NPAS3: variants seen among roughly 807,000 people sequenced by gnomAD.
NPAS3 encodes neuronal PAS domain protein 3.
In NPAS3, 14 loss-of-function variants were observed where a neutral mutation model predicts 73.1. The observed-to-expected ratio is 0.19, with a 90% CI of 0.13 to 0.30. NPAS3 has a LOEUF of 0.30. Among genes scored for constraint, NPAS3 ranks in the 10% least tolerant of loss-of-function variants. NPAS3 has a pLI of 1.00. For synonymous variants in NPAS3, 620 were observed against 541.5 expected (o/e 1.14, Z -2.01); for missense variants, 1,096 against 1,250.0 (o/e 0.88, Z 1.86).
chr14:33,587,489 A>G (rs961781475), intron 5 of NPAS3, among the ~76,000 whole-genome samples: 1 of 152,150 alleles, frequency 6.6e-6, no homozygotes, highest in Non-Finnish European at 1.5e-5. Context: ...CATCTATAAC[A>G]TGGGAATTAT....
intron 3 of NPAS3, among the ~76,000 whole-genome samples, chr14:33,276,784 G>A (rs993649201): frequency 6.6e-6 from 1 of 151,994 alleles, no homozygotes; most frequent in African/African-American, 2.4e-5. Context: ...CATGCTTTAA[G>A]ATAAATGATA....
chr14:33,305,508 T>C (rs1471470932), intron 3 of NPAS3, among the ~76,000 whole-genome samples: 1 of 152,098 alleles, frequency 6.6e-6, no homozygotes, highest in African/African-American at 2.4e-5. Context: ...TCTTAATAAC[T>C]TGATGAGTTT....
chr14:33,263,392 C>T (rs889785358), intron 3 of NPAS3, among the ~76,000 whole-genome samples: 6 of 152,128 alleles, frequency 3.9e-5, no homozygotes, highest in African/African-American at 1.4e-4. Context: ...TTCTCCATTG[C>T]TTGTTTTTCT....
Position 33,186,475 on chromosome 14 carries a change from A to C in NPAS3, c.141-28707A>C, listed in dbSNP as rs186639431. On this transcript the variant is annotated intron_variant, in intron 2 of 11. Transcript: ENST00000356141. Reference sequence around the variant, plus strand: ...CTCAATTATTTTACCCTGCCACCAGATTTCATTTCTGAGCTTTAGTTTGAA... The same window carrying C: ...CTCAATTATTTTACCCTGCCACCAGCTTTCATTTCTGAGCTTTAGTTTGAA... Among the ~76,000 whole-genome samples the C allele has an allele frequency of 4.4e-3, 674 of 152,242 alleles. 4 individuals are homozygous for C. Among genetic ancestry groups the C allele is most frequent in the Non-Finnish European group, 7.6e-3 (515 of 68,018 alleles).
intron 1 of NPAS3, among the ~76,000 whole-genome samples, chr14:32,975,297 C>CGTCA (rs2037608515): frequency 6.8e-6 from 1 of 147,320 alleles, no homozygotes; most frequent in Non-Finnish European, 1.5e-5. Flanking sequence ...TCCTTCCCTC[C>CGTCA]CTCCCTCCCT....
chr14:33,765,168 G>C (rs2062420544), intron 7 of NPAS3, among the ~76,000 whole-genome samples: 1 of 152,180 alleles, frequency 6.6e-6, no homozygotes. Context: ...TTTGTTAAGA[G>C]AGATGGATGG....
At chr14:33,287,123 G>A (rs931860767) in intron 3 of NPAS3, among the ~76,000 whole-genome samples, 14 of 152,214 alleles carry the variant, frequency 9.2e-5, no homozygotes, top group South Asian at 2.1e-4. Flanking sequence ...AACTTTTCCC[G>A]TTTGGAGTTA....
At chr14:33,573,483 T>C (rs1436529167) in intron 5 of NPAS3, among the ~76,000 whole-genome samples, 2 of 152,226 alleles carry the variant, frequency 1.3e-5, no homozygotes, top group Admixed American at 6.5e-5. Context: ...TGTGGATGAC[T>C]AACTCTACCT....
At chr14:33,725,290 AT>A in intron 6 of NPAS3, among the ~76,000 whole-genome samples, 1 of 152,218 alleles carries the variant, frequency 6.6e-6, no homozygotes, top group East Asian at 1.9e-4. Flanking sequence ...AATATAAAAA[AT>A]AAAAGTATGG....
At chr14:33,477,179 C>A (rs2051078386) in intron 4 of NPAS3, among the ~76,000 whole-genome samples, 1 of 152,058 alleles carries the variant, frequency 6.6e-6, no homozygotes, top group South Asian at 2.1e-4. Context: ...AAAATAGATC[C>A]TATTTACCAT....
At chr14:33,063,918 C>T (rs1233934415) in intron 2 of NPAS3, among the ~76,000 whole-genome samples, 3 of 152,224 alleles carry the variant, frequency 2.0e-5, no homozygotes, top group South Asian at 2.1e-4. Flanking sequence ...AGCATTCAAC[C>T]GCCAGCAAGA....
intron 5 of NPAS3, among the ~76,000 whole-genome samples, chr14:33,595,948 G>A (rs547685242): frequency 3.9e-5 from 6 of 152,254 alleles, no homozygotes; most frequent in African/African-American, 1.4e-4. Context: ...AGATTTTAAG[G>A]GACTCCAACA....
chr14:33,253,567 C>T (rs908717757), intron 3 of NPAS3, among the ~76,000 whole-genome samples: 31 of 152,118 alleles, frequency 2.0e-4, no homozygotes, highest in African/African-American at 5.5e-4. Flanking sequence ...TTATTACTAC[C>T]TTATTTATTT....
At chr14:33,310,463 C>CA (rs1397654591) in intron 3 of NPAS3, among the ~76,000 whole-genome samples, 1 of 152,144 alleles carries the variant, frequency 6.6e-6, no homozygotes, top group Non-Finnish European at 1.5e-5. Flanking sequence ...GACAGACCCT[C>CA]ACGTATTGAA....
chr14:33,696,090 C>T (rs899134960), intron 6 of NPAS3, among the ~76,000 whole-genome samples: 10 of 152,140 alleles, frequency 6.6e-5, no homozygotes, highest in South Asian at 2.1e-4. Flanking sequence ...TTCTTAATAG[C>T]GGTAATAACT....
At chr14:33,326,013 A>G (rs1311342004) in intron 3 of NPAS3, among the ~76,000 whole-genome samples, 1 of 152,168 alleles carries the variant, frequency 6.6e-6, no homozygotes, top group African/African-American at 2.4e-5. Context: ...TTTATTTGTT[A>G]TGGTGGTTAG....
chr14:33,034,159 C>A lies in NPAS3; in HGVS notation c.51-21746C>A, dbSNP rs940856748. Among the ~76,000 whole-genome samples, 4 of 151,598 alleles carry A rather than the reference C, an allele frequency of 2.6e-5. No homozygotes were observed. In the South Asian group the frequency reaches 8.3e-4, roughly 32 times the overall value. On this transcript the variant is annotated intron_variant, in intron 1 of 11. Coordinates refer to ENST00000356141, the Ensembl canonical transcript of NPAS3. Reference sequence around the variant, plus strand: ...GTTATTTCTTATTTGCTTTTTTTCACTTTAAAGATATACTACAGAATTTAG... The same window carrying A: ...GTTATTTCTTATTTGCTTTTTTTCAATTTAAAGATATACTACAGAATTTAG...
chr14:33,544,825 A>ATATTATATATATATATATATAAT, intron 4 of NPAS3, among the ~76,000 whole-genome samples: 3 of 112,190 alleles, frequency 2.7e-5, no homozygotes, highest in African/African-American at 1.2e-4. Flanking sequence ...TATATAATAT[A>ATATTATATATATATATATATAAT]TATGTGTATA....
At chr14:33,136,114 G>A (rs2043824815) in intron 2 of NPAS3, among the ~76,000 whole-genome samples, 1 of 141,172 alleles carries the variant, frequency 7.1e-6, no homozygotes, top group African/African-American at 2.6e-5. Flanking sequence ...AGGCTGGAGT[G>A]TGGTAGCGCG....
Sources: allele counts gnomAD v4.1 joint callset (sites outside exome capture counted in the v4.1 genomes callset), GRCh38; gene constraint gnomAD v4.1.1; transcripts MANE v1.5; gene names NCBI Gene and HGNC (gene_info 2026-07-23, HGNC 2026-07-21).